Variants in BTRC observed in about 807,000 individuals in gnomAD.
BTRC encodes the protein beta-transducin repeat containing E3 ubiquitin protein ligase.
In BTRC, 42 loss-of-function variants were observed where a neutral mutation model predicts 85.5. That is an observed-to-expected ratio of 0.49 (90% confidence interval 0.38 to 0.64). The LOEUF is 0.64. BTRC is among the 30% of genes least tolerant of loss of function. The pLI, the probability that BTRC is intolerant of heterozygous loss-of-function variation, is 0.00. For synonymous variants in BTRC, 255 were observed against 263.3 expected (o/e 0.97, Z 0.30); for missense variants, 594 against 743.5 (o/e 0.80, Z 2.34).
chr10:101,520,808 CTT>C (rs1282903846), intron 4 of BTRC, among the ~76,000 whole-genome samples: 2 of 152,088 alleles, frequency 1.3e-5, no homozygotes. Flanking sequence ...AAATATAAAA[CTT>C]AGCCAGGCGT....
At chr10:101,492,918 A>T (rs1452188963) in intron 4 of BTRC, among the ~76,000 whole-genome samples, 1 of 152,186 alleles carries the variant, frequency 6.6e-6, no homozygotes, top group African/African-American at 2.4e-5. Context: ...ACATTATAAC[A>T]TTATAACATG....
chr10:101,540,192 T>C (rs2062445295), intron 13 of BTRC, among the ~76,000 whole-genome samples: 1 of 152,232 alleles, frequency 6.6e-6, no homozygotes, highest in Non-Finnish European at 1.5e-5. Context: ...AGAAAAACCT[T>C]TGACTAATCC....
chr10:101,526,595 C>T (rs531605033), intron 6 of BTRC, among the ~76,000 whole-genome samples: 5 of 152,316 alleles, frequency 3.3e-5, no homozygotes, highest in Admixed American at 2.0e-4. Flanking sequence ...GCCTGGCCAA[C>T]GTGGCGAAAC....
At position 101,434,440 on chromosome 10, in the gene BTRC, A is replaced by T. The variant is rs55772395; in HGVS notation, c.156+3988A>T. On this transcript the variant is annotated intron_variant, in intron 2 of 14. Transcript: ENST00000370187. The stretch of plus-strand genomic sequence containing the variant: ...TGCACTATATACATAAATTAATTTG[A>T]AATGGATCATAGACCTAAATCGGAG... 5.8e-3 allele frequency among the ~76,000 whole-genome samples: 882 copies of T among 152,342 alleles called. 7 individuals carry two copies. Among genetic ancestry groups the T allele is most frequent in the Non-Finnish European group, 9.7e-3 (659 of 68,022 alleles).
At chr10:101,470,329 C>CTTTTTTT (rs950644281) in intron 3 of BTRC, among the ~76,000 whole-genome samples, 4 of 94,902 alleles carry the variant, frequency 4.2e-5, no homozygotes, top group African/African-American at 4.5e-5. Flanking sequence ...ATTTTTCTTT[C>CTTTTTTT]TTTTTTTTTT....
intron 4 of BTRC, among the ~76,000 whole-genome samples, chr10:101,487,263 A>G (rs890250649): frequency 1.3e-5 from 2 of 152,206 alleles, no homozygotes; most frequent in African/African-American, 4.8e-5. Context: ...ATTAAATGTT[A>G]CCTACTTTCT....
At chr10:101,439,853 G>A (rs951877903) in intron 2 of BTRC, among the ~76,000 whole-genome samples, 1 of 152,192 alleles carries the variant, frequency 6.6e-6, no homozygotes, top group African/African-American at 2.4e-5. Flanking sequence ...CAGGAAGTTG[G>A]GAAGGTGGTA....
chr10:101,383,012 AG>A (rs1425712289), intron 1 of BTRC, among the ~76,000 whole-genome samples: 1 of 151,286 alleles, frequency 6.6e-6, no homozygotes, highest in Non-Finnish European at 1.5e-5. Context: ...TGTAACAAAA[AG>A]TATGTCTGAA....
chr10:101,432,182 C>T (rs1486520433), intron 2 of BTRC, among the ~76,000 whole-genome samples: 5 of 150,654 alleles, frequency 3.3e-5, no homozygotes, highest in African/African-American at 9.8e-5. Context: ...GGCTAGAGTG[C>T]AGTGGCACAA....
chr10:101,378,308 GTAAA>G (rs1942841857), intron 1 of BTRC, among the ~76,000 whole-genome samples: 1 of 152,050 alleles, frequency 6.6e-6, no homozygotes, highest in Non-Finnish European at 1.5e-5. Context: ...TGTTTAATGA[GTAAA>G]TATGGAAGAA....
intron 1 of BTRC, among the ~76,000 whole-genome samples, chr10:101,396,574 G>A (rs1943369744): frequency 6.6e-6 from 1 of 151,824 alleles, no homozygotes; most frequent in Non-Finnish European, 1.5e-5. Flanking sequence ...AAAATATGTG[G>A]TATAGAACTA....
intron 13 of BTRC, among the ~76,000 whole-genome samples, chr10:101,544,796 C>T (rs1450348267): frequency 6.6e-6 from 1 of 152,132 alleles, no homozygotes; most frequent in Non-Finnish European, 1.5e-5. Context: ...TGGTGTCTCA[C>T]ACCTGTAATC....
chr10:101,443,442 A>G (rs1944743727), intron 2 of BTRC, among the ~76,000 whole-genome samples: 1 of 152,208 alleles, frequency 6.6e-6, no homozygotes, highest in Non-Finnish European at 1.5e-5. Flanking sequence ...AATGGCCCTT[A>G]ACAGAAAAAT....
chr10:101,368,530 A>G (rs1590209798), intron 1 of BTRC, among the ~76,000 whole-genome samples: 1 of 125,168 alleles, frequency 8.0e-6, no homozygotes. Context: ...CCCAGGCCGG[A>G]GTGCAGTGGC....
chr10:101,368,077 T>C (rs1279835088), intron 1 of BTRC, among the ~76,000 whole-genome samples: 2 of 152,118 alleles, frequency 1.3e-5, no homozygotes, highest in Non-Finnish European at 2.9e-5. Context: ...GTGTTGGAGG[T>C]GGGGCCTGGT....
At chr10:101,395,075 T>A (rs919053119) in intron 1 of BTRC, among the ~76,000 whole-genome samples, 1 of 152,182 alleles carries the variant, frequency 6.6e-6, no homozygotes, top group Non-Finnish European at 1.5e-5. Flanking sequence ...ATCTTGTGTA[T>A]AGCCTAGGAT....
chr10:101,403,532 A>G (rs1943539499), intron 1 of BTRC, among the ~76,000 whole-genome samples: 2 of 152,134 alleles, frequency 1.3e-5, no homozygotes. Context: ...CCATCCAGTG[A>G]GTTTAAAAAT....
intron 4 of BTRC, among the ~76,000 whole-genome samples, chr10:101,488,029 A>G (rs904479024): frequency 2.0e-5 from 3 of 152,122 alleles, no homozygotes; most frequent in East Asian, 3.9e-4. Flanking sequence ...TTTGATTTTG[A>G]TTACCAGCAT....
chr10:101,509,643 C>A (rs1486759354), intron 4 of BTRC, among the ~76,000 whole-genome samples: 5 of 150,908 alleles, frequency 3.3e-5, no homozygotes, highest in Non-Finnish European at 5.9e-5. Context: ...GGCTCAACCT[C>A]CCAGGCTCAA....
Sources: allele counts gnomAD v4.1 joint callset (sites outside exome capture counted in the v4.1 genomes callset), GRCh38; gene constraint gnomAD v4.1.1; transcripts MANE v1.5; gene names NCBI Gene and HGNC (gene_info 2026-07-23, HGNC 2026-07-21).